The following TRPC5 variants were observed in gnomAD, a reference collection of about 807,000 sequenced individuals.
TRPC5 encodes the protein short transient receptor potential channel 5.
In TRPC5, 9 loss-of-function variants were observed where a neutral mutation model predicts 56.5. The ratio of observed to expected loss-of-function variants is 0.16; its 90% confidence interval spans 0.10 to 0.28. The LOEUF (loss-of-function observed/expected upper bound fraction) is 0.28. TRPC5 is among the 10% of genes least tolerant of loss of function. The probability of loss-of-function intolerance (pLI) is 1.00; values close to 1 mark genes in which losing one functional copy is unlikely to be tolerated. For missense variants in TRPC5, 469 were observed against 748.9 expected, an observed-to-expected ratio of 0.63 and a Z score of 4.36; for synonymous variants, 282 against 278.5, an observed-to-expected ratio of 1.01 and a Z score of -0.13.
intron 1 of TRPC5, among the ~76,000 whole-genome samples, chrX:112,028,324 G>A (rs1243824935): frequency 9.1e-6 from 1 of 110,261 alleles, no homozygotes; most frequent in East Asian, 2.9e-4. Flanking sequence ...TGTGCATAAC[G>A]TGCAGGTTTG....
rs1008213905 is a variant in TRPC5, at chrX:111,856,644, C to T, written c.901-2538G>A. 1.4e-4 allele frequency among the ~76,000 whole-genome samples: 15 copies of T among 106,860 alleles called. No homozygotes were observed. In the Admixed American group the frequency reaches 1.5e-3, roughly 11 times the overall value. The allele number at this position is 106,860 out of a possible 115,157, so 92.8% of individuals were successfully genotyped here. On this transcript the variant is annotated intron_variant, in intron 3 of 10. Transcript: ENST00000262839. ...CAGCCTGGCCAACATGATGAAATCC[C>T]GTTTCTACTAAGAATACAAAAATTA...
At chrX:111,781,331 C>A in intron 8 of TRPC5, 125 bp from the exon 9 acceptor site, 1 of 559,727 alleles carries the variant, frequency 1.8e-6, no homozygotes, top group Non-Finnish European at 3.0e-6. Context: ...TCCTGCCTGA[C>A]AAATCCCCAA....
chrX:111,806,720 A>G (rs1339776164), intron 7 of TRPC5, among the ~76,000 whole-genome samples: 1 of 112,084 alleles, frequency 8.9e-6, no homozygotes, highest in African/African-American at 3.2e-5. Context: ...TTGTAAAATG[A>G]TTAAATCAAG....
At chrX:112,027,920 T>C (rs1929465837) in intron 1 of TRPC5, among the ~76,000 whole-genome samples, 1 of 112,381 alleles carries the variant, frequency 8.9e-6, no homozygotes. Context: ...ATTCCGTACA[T>C]ATAAATCACA....
intron 3 of TRPC5, among the ~76,000 whole-genome samples, chrX:111,881,514 G>A (rs1924219759): frequency 9.0e-6 from 1 of 111,559 alleles, no homozygotes; most frequent in South Asian, 3.8e-4. Flanking sequence ...GTTACCAAAT[G>A]TCGGTGTCCT....
At chrX:111,814,562 C>A (rs775880260) in intron 7 of TRPC5, among the ~76,000 whole-genome samples, 1 of 110,631 alleles carries the variant, frequency 9.0e-6, no homozygotes, top group African/African-American at 3.3e-5. Flanking sequence ...TCCCTTGCAC[C>A]CTAGTACCGA....
At chrX:111,787,809 C>A (rs1945980983) in intron 7 of TRPC5, among the ~76,000 whole-genome samples, 1 of 111,661 alleles carries the variant, frequency 9.0e-6, no homozygotes, top group South Asian at 3.7e-4. Flanking sequence ...CCTAGAAAAT[C>A]TGGAAGAAAT....
At chrX:111,892,951 G>A (rs138064387) in intron 3 of TRPC5, among the ~76,000 whole-genome samples, 166 of 111,470 alleles carry the variant, frequency 1.5e-3, no homozygotes, top group African/African-American at 5.3e-3. Context: ...TTTTAAATTC[G>A]TTGTGCTAAC....
At chrX:111,973,232 G>C (rs1424903535) in intron 1 of TRPC5, among the ~76,000 whole-genome samples, 1 of 111,659 alleles carries the variant, frequency 9.0e-6, no homozygotes, top group Non-Finnish European at 1.9e-5. Context: ...TATTTCCACT[G>C]CCTCTGCCAA....
intron 6 of TRPC5, among the ~76,000 whole-genome samples, chrX:111,842,079 A>ATC (rs1457105467): frequency 2.1e-5 from 2 of 93,237 alleles, no homozygotes; most frequent in Non-Finnish European, 4.0e-5. Context: ...CTATCTATCT[A>ATC]TGTGTGTGTG....
At chrX:111,887,747 A>T (rs1603077848) in intron 3 of TRPC5, among the ~76,000 whole-genome samples, 1 of 112,275 alleles carries the variant, frequency 8.9e-6, no homozygotes, top group African/African-American at 3.2e-5. Context: ...GTAAGGAATT[A>T]TTAGTCCTTA....
At chrX:111,791,684 C>T (rs1319604084) in intron 7 of TRPC5, among the ~76,000 whole-genome samples, 1 of 112,144 alleles carries the variant, frequency 8.9e-6, no homozygotes, top group Non-Finnish European at 1.9e-5. Context: ...AAAGGACACA[C>T]AGCAGTGGTC....
At chrX:112,019,183 C>T (rs913894080) in intron 1 of TRPC5, among the ~76,000 whole-genome samples, 1 of 112,078 alleles carries the variant, frequency 8.9e-6, no homozygotes, top group Non-Finnish European at 1.9e-5. Context: ...TATACACCAG[C>T]GACTGAGAAT....
chrX:111,775,813 C>T lies in TRPC5; in HGVS notation c.*500G>A, dbSNP rs3027755. The T allele has an allele frequency of 0.022, 2,521 of 112,725 alleles. 64 individuals carry two copies. Among genetic ancestry groups the T allele is most frequent in the African/African-American group, 0.078 (2,394 of 30,712 alleles). 9.3% of individuals were successfully genotyped at this position (112,725 alleles called of 1,213,427 possible). On this transcript the variant is annotated 3_prime_UTR_variant, in exon 11 of 11. Coordinates refer to ENST00000262839, the MANE Select transcript of TRPC5 (RefSeq NM_012471.3). Reference sequence around the variant, plus strand: ...CCTCCCTTTGATGCTGTTCATTGACCCAGCATGGGCAGCGCGTAGCACTGA... The same window carrying T: ...CCTCCCTTTGATGCTGTTCATTGACTCAGCATGGGCAGCGCGTAGCACTGA...
At chrX:111,965,023 A>G (rs770210840) in intron 1 of TRPC5, among the ~76,000 whole-genome samples, 79 of 111,909 alleles carry the variant, frequency 7.1e-4, no homozygotes, top group Non-Finnish European at 1.2e-3. Context: ...AAAAGACACA[A>G]ACTGGCAAAT....
chrX:111,960,219 A>T (rs1927339798), intron 1 of TRPC5, among the ~76,000 whole-genome samples: 1 of 111,959 alleles, frequency 8.9e-6, no homozygotes, highest in Non-Finnish European at 1.9e-5. Context: ...ACTATAATAC[A>T]GGGGACTCTT....
intron 1 of TRPC5, among the ~76,000 whole-genome samples, chrX:112,004,458 G>C (rs1325072376): frequency 8.9e-6 from 1 of 112,158 alleles, no homozygotes; most frequent in Non-Finnish European, 1.9e-5. Flanking sequence ...GATCCCACTA[G>C]AGTCATTTCT....
chrX:111,795,023 G>A (rs1208598627), intron 7 of TRPC5, among the ~76,000 whole-genome samples: 1 of 111,395 alleles, frequency 9.0e-6, no homozygotes, highest in East Asian at 2.8e-4. Flanking sequence ...CTAATTTTTA[G>A]TTCTAGGAAG....
chrX:112,053,686 G>T (rs1444469942), intron 1 of TRPC5, among the ~76,000 whole-genome samples: 1 of 110,795 alleles, frequency 9.0e-6, no homozygotes, highest in Non-Finnish European at 1.9e-5. Context: ...GGAAGGGGGA[G>T]GAAGAAAGCA....
Sources: allele counts gnomAD v4.1 joint callset (sites outside exome capture counted in the v4.1 genomes callset), GRCh38; gene constraint gnomAD v4.1.1; transcripts MANE v1.5; gene names NCBI Gene and HGNC (gene_info 2026-07-23, HGNC 2026-07-21).